The following CHMP1A variants were observed in gnomAD, a reference collection of about 807,000 sequenced individuals.
CHMP1A encodes the protein VPS46 homolog A.
CHMP1A carries 17 observed loss-of-function variants against 27.0 expected under a neutral mutation model. That is an observed-to-expected ratio of 0.63 (90% CI 0.43 to 0.95). The LOEUF is 0.95. Among genes scored for constraint, CHMP1A ranks in the 40% least tolerant of loss-of-function variants. The pLI is 0.00. For missense variants in CHMP1A, 275 were observed against 264.0 expected (o/e 1.04, Z -0.29); for synonymous variants, 131 against 107.5 (o/e 1.22, Z -1.35).
Position 89,649,546 on chromosome 16 carries a change from C to A in CHMP1A, c.106-49G>T, listed in dbSNP as rs747022910. 20 of 1,605,670 alleles carry A rather than the reference C, an allele frequency of 1.2e-5. No individual in the cohort carries two copies. In the East Asian group the frequency reaches 4.3e-4, roughly 34 times the overall value. ...CTGGAAGAGCTTGGTGGTGTGTGTG[C>A]CCCCTGCTAGGAGCCCAGTTTTTGT... On this transcript the variant is annotated intron_variant, in intron 3 of 6. Coordinates refer to ENST00000397901, the MANE Select transcript of CHMP1A (RefSeq NM_002768.5).
chr16:89,650,779 C>G (rs1323303456), intron 3 of CHMP1A, among the ~76,000 whole-genome samples: 1 of 151,004 alleles, frequency 6.6e-6, no homozygotes, highest in East Asian at 1.9e-4. Flanking sequence ...GCACTCCAGC[C>G]TGGGCAACAG....
At chr16:89,654,303 G>C (rs1469959517) in intron 1 of CHMP1A, among the ~76,000 whole-genome samples, 1 of 152,226 alleles carries the variant, frequency 6.6e-6, no homozygotes, top group Admixed American at 6.5e-5. Flanking sequence ...CTTTGCAAAT[G>C]TCCCTTGGGA....
intron 3 of CHMP1A, among the ~76,000 whole-genome samples, chr16:89,651,176 G>C (rs527403947): frequency 6.6e-6 from 1 of 152,024 alleles, no homozygotes; most frequent in African/African-American, 2.4e-5. Context: ...ATAAGAGTTC[G>C]AGACCGGCCT....
At chr16:89,655,268 G>A (rs2059855408) in intron 1 of CHMP1A, among the ~76,000 whole-genome samples, 1 of 152,218 alleles carries the variant, frequency 6.6e-6, no homozygotes, top group South Asian at 2.1e-4. Flanking sequence ...ATCTGTGACT[G>A]GAAAACAGCC....
At chr16:89,651,705 C>A in intron 2 of CHMP1A, 59 bp from the exon 3 acceptor site, 1 of 1,538,148 alleles carries the variant, frequency 6.5e-7, no homozygotes, top group Non-Finnish European at 8.9e-7. Context: ...CCAGGCCCGG[C>A]TCTCCACACC....
In CHMP1A at chr16:89,646,588, C is replaced by T. The variant is rs374398780; in HGVS notation, c.508G>A (p.Glu170Lys). 23 of 1,599,438 alleles carry T rather than the reference C, an allele frequency of 1.4e-5. No homozygotes were observed. Among genetic ancestry groups the T allele is most frequent in the South Asian group, 5.7e-5 (5 of 88,244 alleles). ...EVLDQLSQLPEGASAVGESSV... is the reference protein window; with the variant it reads ...EVLDQLSQLPKGASAVGESSV... Reference sequence around the variant, plus strand: ...CTCTCGCCCACGGCAGAGGCGCCCTCGGGCAGCTGGCTGAGCTGGTCCAGC... The same window carrying T: ...CTCTCGCCCACGGCAGAGGCGCCCTTGGGCAGCTGGCTGAGCTGGTCCAGC... Residue 170 changes from glutamate to lysine, a missense_variant, in exon 6 of 7, where the codon GAG (glutamate) becomes AAG (lysine). Glu to Lys is a moderately conservative substitution (Grantham distance 56). Transcript: ENST00000397901.
At chr16:89,657,059 G>A in intron 1 of CHMP1A, among the ~76,000 whole-genome samples, 1 of 149,816 alleles carries the variant, frequency 6.7e-6, no homozygotes, top group African/African-American at 2.5e-5. Flanking sequence ...TCGGGGGTCG[G>A]GGATCGAGGC....
intron 5 of CHMP1A, 159 bp downstream of exon 5, chr16:89,647,044 T>C: frequency 6.5e-7 from 1 of 1,527,262 alleles, no homozygotes; most frequent in Non-Finnish European, 8.8e-7. Flanking sequence ...CCTGTCAGGG[T>C]CCTGGCAGGG....
intron 2 of CHMP1A, among the ~76,000 whole-genome samples, chr16:89,652,677 C>T (rs1050823974): frequency 6.6e-6 from 1 of 152,274 alleles, no homozygotes; most frequent in Non-Finnish European, 1.5e-5. Context: ...GGGTGCAGGA[C>T]ACAAGCAGGC....
chr16:89,646,042 G>T lies in CHMP1A; in HGVS notation c.*24C>A. 2 of 1,588,794 alleles carry T rather than the reference G, an allele frequency of 1.3e-6. No homozygotes were observed. On this transcript the variant is annotated 3_prime_UTR_variant, in exon 7 of 7. Coordinates refer to ENST00000397901, the MANE Select transcript of CHMP1A (RefSeq NM_002768.5). ...CCTTCCAGCACATCACGGGGCAGAG[G>T]CGGTGCACACCGGCGGGGCACGGCT...
In CHMP1A at chr16:89,645,192, GCAT is replaced by G. The variant is rs1380278538; in HGVS notation, c.*871_*873del. 2 of 152,450 alleles carry G rather than the reference GCAT, an allele frequency of 1.3e-5. No homozygotes were observed. Among genetic ancestry groups the G allele is most frequent in the African/African-American group, 2.4e-5 (1 of 41,468 alleles). The allele number at this position is 152,450 out of a possible 1,614,324, so 9.4% of individuals were successfully genotyped here. ...CAGATGGTAGAGGGTGACACAGGCA[GCAT>G]CGTCATGAAGCAGGGCCCCAAGGAA... On this transcript the variant is annotated 3_prime_UTR_variant, in exon 7 of 7. Transcript: ENST00000397901.
intron 4 of CHMP1A, among the ~76,000 whole-genome samples, chr16:89,648,734 G>GA: frequency 1.0e-5 from 1 of 96,186 alleles, no homozygotes; most frequent in South Asian, 4.0e-4. Flanking sequence ...ACATAAAAAT[G>GA]AAAAAAATCA....
chr16:89,647,155 C>A, intron 5 of CHMP1A, 48 bp downstream of exon 5: 1 of 1,596,026 alleles, frequency 6.3e-7, no homozygotes, highest in South Asian at 1.1e-5. Flanking sequence ...GCTGCCCACA[C>A]ACGCTCCTTG....
rs74408258 is a variant in CHMP1A at position 89,654,088 on chromosome 16, G to T, written c.8-165C>A. Among the ~76,000 whole-genome samples, 422 of 152,330 alleles carry T rather than the reference G, an allele frequency of 2.8e-3. 1 individual carries two copies. The highest frequency in any genetic ancestry group is 9.5e-3 in the African/African-American group (397 of 41,572). The stretch of plus-strand genomic sequence containing the variant: ...GAGCCCCCCCCAACAGGGGAGGCAC[G>T]AGACAGATTCGTGTGCCAGCCCTGG... On this transcript the variant is annotated intron_variant, in intron 1 of 6. Transcript: ENST00000397901.
intron 4 of CHMP1A, among the ~76,000 whole-genome samples, chr16:89,648,919 C>A (rs201338333): frequency 6.8e-6 from 1 of 146,600 alleles, no homozygotes; most frequent in Non-Finnish European, 1.5e-5. Context: ...CAGCTACTTG[C>A]GAGGCTGAGG....
intron 3 of CHMP1A, among the ~76,000 whole-genome samples, chr16:89,650,038 G>A (rs1432021491): frequency 6.6e-6 from 1 of 152,134 alleles, no homozygotes; most frequent in Non-Finnish European, 1.5e-5. Context: ...GTGACACTCA[G>A]AGCCTGTGGC....
rs1383310520 is a variant in CHMP1A, at chr16:89,645,167, C to G, written c.*899G>C. ...GTCGGGGAAGGCACCCAGTTGTTTA[C>G]AGATGGTAGAGGGTGACACAGGCAG... is the stretch of plus-strand genomic sequence containing the variant. On this transcript the variant is annotated 3_prime_UTR_variant, in exon 7 of 7. Coordinates refer to ENST00000397901, the MANE Select transcript of CHMP1A (RefSeq NM_002768.5). The G allele has an allele frequency of 6.6e-6, 1 of 152,346 alleles. No homozygotes were observed. 9.4% of individuals were successfully genotyped at this position (152,346 alleles called of 1,614,324 possible). A position where few individuals can be genotyped will look rare whatever the true frequency, so the allele number is the denominator to read the frequency against.
intron 6 of CHMP1A, 36 bp from the exon 7 acceptor site, chr16:89,646,123 G>A (rs2059771587): frequency 2.6e-6 from 4 of 1,515,450 alleles, no homozygotes; most frequent in African/African-American, 1.4e-5. Context: ...TCAGGGCAGG[G>A]GAAGGGGGCC....
rs1020546215 is a variant in CHMP1A, at chr16:89,653,768, CA to C, written c.27+135del. The stretch of plus-strand genomic sequence containing the variant: ...GCTCAATAATCCCCTCCTTGGTCAG[CA>C]GTCTGAGCCCTGTGTGGCGGTCACT... On this transcript the variant is annotated intron_variant, in intron 2 of 6. Transcript: ENST00000397901. 1.2e-4 allele frequency: 108 copies of C among 864,734 alleles called. No individual in the cohort carries two copies. The African/African-American group carries it at 1.6e-3, about 13-fold the overall frequency. 53.6% of individuals were successfully genotyped at this position (864,734 alleles called of 1,614,324 possible). A position where few individuals can be genotyped will look rare whatever the true frequency, so the allele number is the denominator to read the frequency against.
Sources: allele counts gnomAD v4.1 joint callset (sites outside exome capture counted in the v4.1 genomes callset), GRCh38; gene constraint gnomAD v4.1.1; transcripts MANE v1.5; gene names NCBI Gene and HGNC (gene_info 2026-07-23, HGNC 2026-07-21).